The following ZNF284 variants were observed in gnomAD, a reference collection of about 807,000 sequenced individuals.
The protein encoded by ZNF284 is zinc finger protein 284.
ZNF284 carries 12 observed loss-of-function variants against 12.9 expected under a neutral mutation model. The ratio of observed to expected loss-of-function variants is 0.93; its 90% CI spans 0.60 to 1.51. The LOEUF (loss-of-function observed/expected upper bound fraction) is 1.51, where lower values mean the gene tolerates loss of function less well. Among genes scored for constraint, ZNF284 ranks in the 40% most tolerant of loss-of-function variants. ZNF284 has a pLI of 0.00. For missense variants in ZNF284, 667 were observed against 707.3 expected, an observed-to-expected ratio of 0.94 and a Z score of 0.65; for synonymous variants, 225 against 236.5, an observed-to-expected ratio of 0.95 and a Z score of 0.45.
chr19:44,079,833 CAGG>C (rs1183936765), intron 2 of ZNF284, among the ~76,000 whole-genome samples: 1 of 151,998 alleles, frequency 6.6e-6, no homozygotes, highest in African/African-American at 2.4e-5. Context: ...GAGGCTGGGG[CAGG>C]AGAATTGCTT....
At chr19:44,083,504 G>GTATATATAT (rs1568522612) in intron 4 of ZNF284, among the ~76,000 whole-genome samples, 7 of 88,162 alleles carry the variant, frequency 7.9e-5, no homozygotes, top group East Asian at 5.8e-4. Context: ...GAGAGAGAGG[G>GTATATATAT]AATGGAATAC....
chr19:44,085,139 T>G (rs1487513047), intron 4 of ZNF284: 1 of 152,298 alleles, frequency 6.6e-6, no homozygotes, highest in Non-Finnish European at 1.5e-5. Flanking sequence ...ACTTCTCTGC[T>G]GAATTCCAGT....
At chr19:44,077,324 T>C (rs776246555) in intron 2 of ZNF284, among the ~76,000 whole-genome samples, 36 of 152,202 alleles carry the variant, frequency 2.4e-4, no homozygotes, top group Non-Finnish European at 2.9e-5. Context: ...CATGCTTAAG[T>C]CATGCATTGT....
In ZNF284 at chr19:44,088,721, TA is replaced by T. The variant is rs1424289179; in HGVS notation, c.*1462del. 2.6e-5 allele frequency: 4 copies of T among 152,298 alleles called. No homozygotes were observed. The East Asian group carries it at 7.7e-4, about 29-fold the overall frequency. 9.4% of individuals were successfully genotyped at this position (152,298 alleles called of 1,614,324 possible). ...TGTGATATATGTGACAGCAAAGAGT[TA>T]TAAGATATGAATATGTTAATTTTAG... On this transcript the variant is annotated 3_prime_UTR_variant, in exon 5 of 5. Transcript: ENST00000421176.
At chr19:44,082,765 T>C (rs1017817377) in intron 4 of ZNF284, among the ~76,000 whole-genome samples, 3 of 151,626 alleles carry the variant, frequency 2.0e-5, no homozygotes, top group Admixed American at 6.6e-5. Flanking sequence ...CTCTAACCAT[T>C]CTTCCATAGT....
intron 3 of ZNF284, among the ~76,000 whole-genome samples, chr19:44,081,591 A>T (rs562612261): frequency 6.6e-6 from 1 of 152,130 alleles, no homozygotes; most frequent in Admixed American, 6.5e-5. Context: ...GGGCGTCTGT[A>T]GTCCCAGCTA....
At position 44,087,158 on chromosome 19, in the gene ZNF284, C is replaced by A; in HGVS notation, c.1680C>A (p.Asp560Glu). Residue 560 changes from aspartate (D) to glutamate (E), a missense_variant, in exon 5 of 5, where the codon GAC becomes GAA. Transcript: ENST00000421176. ...HSSCLQDQQS[D>E]HSGEKTSKCE... ...CATGCCTTCAAGACCAACAAAGCGA[C>A]CACAGTGGAGAAAAAACATCCAAAT... 1 of 1,614,008 alleles carries A rather than the reference C, an allele frequency of 6.2e-7. No individual in the cohort carries two copies. Among genetic ancestry groups the A allele is most frequent in the Non-Finnish European group, 8.5e-7 (1 of 1,179,940 alleles).
Position 44,082,019 on chromosome 19 carries a change from A to T in ZNF284, c.149A>T (p.Gln50Leu). ...CATGTGACTTTGTTCACAGGGCATC[A>T]ACTTTCCCACCGAGATACTTTTCAC... ...NFRNLLSVGH[Q>L]LSHRDTFHFQ... The change falls in exon 4 of 5, where the codon CAA becomes CTA. Residue 50 changes from glutamine (Q) to leucine (L), a missense_variant. Coordinates refer to ENST00000421176, the MANE Select transcript of ZNF284 (RefSeq NM_001037813.4). 6.2e-7 allele frequency: 1 copy of T among 1,613,160 alleles called. No individual in the cohort carries two copies. Among genetic ancestry groups the T allele is most frequent in the Non-Finnish European group, 8.5e-7 (1 of 1,179,516 alleles).
Position 44,086,501 on chromosome 19 carries a change from A to G in ZNF284, c.1023A>G (p.Lys341=). The stretch of plus-strand genomic sequence containing the variant: ...ATTGCATGGACCACACAAAAGAGAA[A>G]CTATACAAATGTGAAGAATGTGGAA... The part of the protein sequence containing the change: ...NSHCMDHTKE[K]LYKCEECGRS... The change falls in exon 5 of 5, where the codon AAA becomes AAG. Residue 341 remains lysine, a synonymous_variant. Coordinates refer to ENST00000421176, the MANE Select transcript of ZNF284 (RefSeq NM_001037813.4). 2 of 1,614,190 alleles carry G rather than the reference A, an allele frequency of 1.2e-6. No individual in the cohort carries two copies. Among genetic ancestry groups the G allele is most frequent in the East Asian group, 2.2e-5 (1 of 44,884 alleles).
Position 44,086,708 on chromosome 19 carries a change from G to C in ZNF284, c.1230G>C (p.Met410Ile). Reference sequence around the variant, plus strand: ...ACGGATGTGGGAAGAGATTTTATATGAATTCACAGGGCCATTCACATCAGA... The same window carrying C: ...ACGGATGTGGGAAGAGATTTTATATCAATTCACAGGGCCATTCACATCAGA... ...KCDGCGKRFY[M>I]NSQGHSHQRA... is the part of the protein sequence containing the mutation. The change falls in exon 5 of 5, where the codon ATG (methionine) becomes ATC (isoleucine). Residue 410 changes from methionine to isoleucine, a missense_variant. Met to Ile is a conservative substitution (Grantham distance 10, BLOSUM62 1). Transcript: ENST00000421176. 6.2e-7 allele frequency: 1 copy of C among 1,614,058 alleles called. No homozygotes were observed. Among genetic ancestry groups the C allele is most frequent in the Non-Finnish European group, 8.5e-7 (1 of 1,179,968 alleles).
Position 44,079,512 on chromosome 19 carries a change from A to T in ZNF284, c.16-1503A>T, listed in dbSNP as rs1047270788. On this transcript the variant is annotated intron_variant, in intron 2 of 4. Transcript: ENST00000421176. ...ATCACGAGGTGAGGAGATCGAGACCATCCTGGCTAACATGATGCAACCCTG... is the reference window on the plus strand; with the variant it reads ...ATCACGAGGTGAGGAGATCGAGACCTTCCTGGCTAACATGATGCAACCCTG... 1.1e-4 allele frequency among the ~76,000 whole-genome samples: 16 copies of T among 152,020 alleles called. 1 individual carries two copies. Among genetic ancestry groups the T allele is most frequent in the Admixed American group, 9.2e-4 (14 of 15,258 alleles).
chr19:44,084,034 A>G (rs1967181917), intron 4 of ZNF284, among the ~76,000 whole-genome samples: 1 of 152,182 alleles, frequency 6.6e-6, no homozygotes, highest in African/African-American at 2.4e-5. Flanking sequence ...CCTGCATGGT[A>G]CATGCTCATG....
chr19:44,082,399 A>G (rs905288174), intron 4 of ZNF284, among the ~76,000 whole-genome samples: 3 of 152,148 alleles, frequency 2.0e-5, no homozygotes, highest in Non-Finnish European at 4.4e-5. Flanking sequence ...AGTGCCTTTT[A>G]GAGACCCTTG....
At chr19:44,078,615 C>T (rs537224457) in intron 2 of ZNF284, among the ~76,000 whole-genome samples, 3 of 152,186 alleles carry the variant, frequency 2.0e-5, no homozygotes, top group East Asian at 1.9e-4. Context: ...GCACGCACCA[C>T]GATGCCTGGC....
intron 1 of ZNF284, among the ~76,000 whole-genome samples, chr19:44,075,195 C>T (rs1056882475): frequency 6.6e-6 from 1 of 152,222 alleles, no homozygotes; most frequent in African/African-American, 2.4e-5. Context: ...ATAACTATCC[C>T]TTGCCCCACT....
Position 44,086,414 on chromosome 19 carries a change from G to T in ZNF284, c.936G>T (p.Glu312Asp). The T allele has an allele frequency of 6.2e-7, 1 of 1,613,966 alleles. No individual in the cohort carries two copies. The highest frequency in any genetic ancestry group is 8.5e-7 in the Non-Finnish European group (1 of 1,179,930). ...GGCATTCCATGGTCCACATGCAAGA[G>T]AAATCATTTAGATGTGATACCTGTA... ...LNRHSMVHMQ[E>D]KSFRCDTCSN... The change falls in exon 5 of 5, where the codon GAG becomes GAT. Residue 312 changes from glutamate to aspartate, a missense_variant. Physicochemically the swap from Glu to Asp is conservative, Grantham distance 45 (BLOSUM62 2). Coordinates refer to ENST00000421176, the MANE Select transcript of ZNF284 (RefSeq NM_001037813.4).
intron 2 of ZNF284, among the ~76,000 whole-genome samples, chr19:44,078,035 A>C (rs1376795562): frequency 6.6e-6 from 1 of 152,236 alleles, no homozygotes; most frequent in Non-Finnish European, 1.5e-5. Context: ...GAGTGTTACC[A>C]GGGAATATAA....
intron 2 of ZNF284, 80 bp from the exon 3 acceptor site, chr19:44,080,934 TC>T: frequency 6.6e-7 from 1 of 1,509,000 alleles, no homozygotes; most frequent in Non-Finnish European, 9.0e-7. Context: ...TTCTCACCCA[TC>T]CCCTTCACCT....
chr19:44,088,301 C>T lies in ZNF284; in HGVS notation c.*1041C>T, dbSNP rs1183839507. 2 of 152,214 alleles carry T rather than the reference C, an allele frequency of 1.3e-5. No homozygotes were observed. Among genetic ancestry groups the T allele is most frequent in the African/African-American group, 4.8e-5 (2 of 41,460 alleles). The allele number at this position is 152,214 out of a possible 1,614,324, so 9.4% of individuals were successfully genotyped here. A position where few individuals can be genotyped will look rare whatever the true frequency, so the allele number is the denominator to read the frequency against. On this transcript the variant is annotated 3_prime_UTR_variant, in exon 5 of 5. Transcript: ENST00000421176. The stretch of plus-strand genomic sequence containing the variant: ...ATTTATCTTTCTGGGCCTGAATTTA[C>T]ATCACTCAACATCATGTTCTCCAAA...
Sources: gnomAD v4.1 joint callset for allele counts (sites outside exome capture counted in the v4.1 genomes callset) on GRCh38, gnomAD v4.1.1 for gene constraint, MANE v1.5 for transcripts, NCBI Gene and HGNC (gene_info 2026-07-23, HGNC 2026-07-21) for gene names.